The following ZNF468 variants were observed in gnomAD, a reference collection of about 807,000 sequenced individuals.
The protein encoded by ZNF468 is zinc finger protein 468, also known as zinc finger protein ZNF468.
Under a neutral mutation model 7.2 loss-of-function variants are expected in ZNF468, and 8 were observed. The ratio of observed to expected loss-of-function variants is 1.11; its 90% CI spans 0.65 to 2.01. The LOEUF is 2.01. ZNF468 is among the 30% of genes most tolerant of loss of function. The probability of loss-of-function intolerance (pLI) is 0.00; values close to 1 mark genes in which losing one functional copy is unlikely to be tolerated. For synonymous variants in ZNF468, 218 were observed against 214.4 expected (o/e 1.02, Z -0.15); for missense variants, 608 against 626.5 (o/e 0.97, Z 0.31).
At chr19:52,857,267 C>G (rs113121679) in intron 1 of ZNF468, among the ~76,000 whole-genome samples, 3 of 152,074 alleles carry the variant, frequency 2.0e-5, no homozygotes, top group Non-Finnish European at 4.4e-5. Context: ...GAATACACCT[C>G]TAGGGTGAGG....
intron 1 of ZNF468, among the ~76,000 whole-genome samples, chr19:52,856,995 G>A (rs35901334): frequency 0.19 from 28,463 of 151,866 alleles, 2,964 homozygotes; most frequent in South Asian, 0.29. Context: ...GGAGCTGGGC[G>A]GGCAAGAACA....
At chr19:52,850,861 T>A (rs563829648) in intron 2 of ZNF468, among the ~76,000 whole-genome samples, 1 of 151,694 alleles carries the variant, frequency 6.6e-6, no homozygotes, top group Admixed American at 6.6e-5. Flanking sequence ...ATCGCGCCAC[T>A]GCACTCCAGC....
At chr19:52,843,846 G>A (rs571444145) in intron 3 of ZNF468, among the ~76,000 whole-genome samples, 1 of 152,126 alleles carries the variant, frequency 6.6e-6, no homozygotes, top group South Asian at 2.1e-4. Flanking sequence ...TAGCGGCCGG[G>A]TGCAGTGGCA....
intron 2 of ZNF468, among the ~76,000 whole-genome samples, chr19:52,852,894 G>A (rs2063402174): frequency 6.7e-6 from 1 of 149,256 alleles, no homozygotes; most frequent in Non-Finnish European, 1.5e-5. Flanking sequence ...TTCCTCTGTT[G>A]CCCAGGCTGG....
At position 52,840,540 on chromosome 19, in the gene ZNF468, G is replaced by C; in HGVS notation, c.*185C>G. On this transcript the variant is annotated 3_prime_UTR_variant, in exon 4 of 4. Coordinates refer to ENST00000595646, the MANE Select transcript of ZNF468 (RefSeq NM_001008801.2). ...GTTTGATTTACAACTGAAAACTTTT[G>C]TCACATTCCTCCCATTTGTAAGGTT... The C allele has an allele frequency of 8.2e-7, 1 of 1,223,864 alleles. No homozygotes were observed. Among genetic ancestry groups the C allele is most frequent in the Admixed American group, 2.0e-5 (1 of 50,818 alleles). 75.8% of individuals were successfully genotyped at this position (1,223,864 alleles called of 1,614,324 possible).
rs748800318 is a variant in ZNF468 at position 52,841,810 on chromosome 19, T to C, written c.484A>G (p.Asn162Asp). ...HIFQSEGKIG[N>D]QVEKSINNAS... ...TTGTTGATAGACTTCTCAACTTGAT[T>C]ACCAATTTTCCCTTCAGACTGAAAT... is the stretch of plus-strand genomic sequence containing the variant. Residue 162 changes from asparagine to aspartate, a missense_variant, in exon 4 of 4, where the codon AAT (asparagine) becomes GAT (aspartate). Transcript: ENST00000595646. The C allele has an allele frequency of 8.1e-6, 13 of 1,614,094 alleles. No individual in the cohort carries two copies. Among genetic ancestry groups the C allele is most frequent in the Middle Eastern group, 1.6e-4 (1 of 6,062 alleles).
chr19:52,855,968 C>T (rs1386228213), intron 1 of ZNF468, among the ~76,000 whole-genome samples: 1 of 152,174 alleles, frequency 6.6e-6, no homozygotes, highest in Admixed American at 6.5e-5. Context: ...TACATGGGGG[C>T]CTGGAAGGGC....
chr19:52,840,750 C>T lies in ZNF468; in HGVS notation c.1544G>A (p.Arg515Lys). The change falls in exon 4 of 4, where the codon AGG (arginine) becomes AAG (lysine). Residue 515 changes from arginine to lysine, a missense_variant. Physicochemically the swap from Arg to Lys is conservative, Grantham distance 26. Transcript: ENST00000595646. Reference protein sequence around the residue: ...SQMSSLVYHHRLHSGEKP With the variant: ...SQMSSLVYHHKLHSGEKP The stretch of plus-strand genomic sequence containing the variant: ...TTAAGGCTTCTCTCCACTATGAAGC[C>T]TATGATGGTATACAAGGGATGACAT... 6.2e-7 allele frequency: 1 copy of T among 1,613,884 alleles called. No individual in the cohort carries two copies. Among genetic ancestry groups the T allele is most frequent in the South Asian group, 1.1e-5 (1 of 91,064 alleles).
rs1047387593 is a variant in ZNF468, at chr19:52,853,867, C to T, written c.15+391G>A. 5 of 1,242,170 alleles carry T rather than the reference C, an allele frequency of 4.0e-6. No homozygotes were observed. In the African/African-American group the frequency reaches 6.1e-5, roughly 15 times the overall value. The allele number at this position is 1,242,170 out of a possible 1,614,324, so 76.9% of individuals were successfully genotyped here. A position where few individuals can be genotyped will look rare whatever the true frequency, so the allele number is the denominator to read the frequency against. ...CCCTTATTGGTCTCCTTTTCTAGAACTTACCACGTACTTCGTGCATATTAA... is the reference window on the plus strand; with the variant it reads ...CCCTTATTGGTCTCCTTTTCTAGAATTTACCACGTACTTCGTGCATATTAA... On this transcript the variant is annotated intron_variant, in intron 2 of 3. Transcript: ENST00000595646.
Position 52,839,935 on chromosome 19 carries a change from T to G in ZNF468, c.*790A>C. On this transcript the variant is annotated 3_prime_UTR_variant, in exon 4 of 4. Coordinates refer to ENST00000595646, the MANE Select transcript of ZNF468 (RefSeq NM_001008801.2). The stretch of plus-strand genomic sequence containing the variant: ...GGTTGTAGCATTACTGAAAACTTTG[T>G]GACAATCATTACATTAGTCAAGTTT... 3 of 1,060,420 alleles carry G rather than the reference T, an allele frequency of 2.8e-6. No individual in the cohort carries two copies. The highest frequency in any genetic ancestry group is 4.0e-6 in the Non-Finnish European group (3 of 746,110). The allele number at this position is 1,060,420 out of a possible 1,614,324, so 65.7% of individuals were successfully genotyped here.
Position 52,841,114 on chromosome 19 carries a change from G to A in ZNF468, c.1180C>T (p.Arg394Cys), listed in dbSNP as rs199858855. Residue 394 changes from arginine to cysteine, a missense_variant, in exon 4 of 4, where the codon CGC becomes TGC. Physicochemically the swap from Arg to Cys is radical, Grantham distance 180. Coordinates refer to ENST00000595646, the MANE Select transcript of ZNF468 (RefSeq NM_001008801.2). ...CTATGTCTTTCAAGGTGTGATTTGC[G>A]ACTGAAAACTTTGTCACACTCTTCA... ...KCEECDKVFS[R>C]KSHLERHRRI... 127 of 1,613,650 alleles carry A rather than the reference G, an allele frequency of 7.9e-5. 1 individual carries two copies. The highest frequency in any genetic ancestry group is 1.0e-4 in the Non-Finnish European group (118 of 1,179,920).
Position 52,841,476 on chromosome 19 carries a change from C to T in ZNF468, c.818G>A (p.Cys273Tyr). Residue 273 changes from cysteine (C) to tyrosine (Y), a missense_variant, in exon 4 of 4, where the codon TGT becomes TAT. Coordinates refer to ENST00000595646, the MANE Select transcript of ZNF468 (RefSeq NM_001008801.2). ...RCHTGEKPYK[C>Y]NECGKTFGHN... is the part of the protein sequence containing the mutation. ...ACCAAAGGTCTTGCCACACTCATTA[C>T]ACTTGTAAGGTTTCTCACCAGTGTG... The T allele has an allele frequency of 6.2e-7, 1 of 1,614,098 alleles. No homozygotes were observed. Among genetic ancestry groups the T allele is most frequent in the Non-Finnish European group, 8.5e-7 (1 of 1,179,986 alleles).
At position 52,842,058 on chromosome 19, in the gene ZNF468, C is replaced by T; in HGVS notation, c.236G>A (p.Ser79Asn). 1 of 1,613,994 alleles carries T rather than the reference C, an allele frequency of 6.2e-7. No homozygotes were observed. ...IHTGTLHRQA[S>N]HHIGEFCFHE... ...GAAACAAAATTCTCCAATGTGATGA[C>T]TTGCTTGTCTGTGCAATGTCCCTGT... Residue 79 changes from serine (S) to asparagine (N), a missense_variant, in exon 4 of 4, where the codon AGT becomes AAT. Ser to Asn is a conservative substitution (Grantham distance 46, BLOSUM62 1). Coordinates refer to ENST00000595646, the MANE Select transcript of ZNF468 (RefSeq NM_001008801.2).
At position 52,856,969 on chromosome 19, in the gene ZNF468, G is replaced by A. The variant is rs1239308350; in HGVS notation, c.-74+603C>T. Among the ~76,000 whole-genome samples the A allele has an allele frequency of 9.5e-4, 143 of 150,974 alleles. 1 individual carries two copies. Among genetic ancestry groups the A allele is most frequent in the East Asian group, 8.3e-3 (41 of 4,958 alleles). ...TAAGACGCCTGCATCTCGGAGAAGCGCATTTTCCAAGTGCTGGAGCTGGGC... is the reference window on the plus strand; with the variant it reads ...TAAGACGCCTGCATCTCGGAGAAGCACATTTTCCAAGTGCTGGAGCTGGGC... On this transcript the variant is annotated intron_variant, in intron 1 of 3. Transcript: ENST00000595646.
Position 52,849,244 on chromosome 19 carries a change from T to C in ZNF468, c.16-31A>G, listed in dbSNP as rs768293144. The C allele has an allele frequency of 8.7e-6, 14 of 1,612,956 alleles. 1 individual carries two copies. In the East Asian group the frequency reaches 2.9e-4, roughly 33 times the overall value. On this transcript the variant is annotated intron_variant, in intron 2 of 3. Coordinates refer to ENST00000595646, the MANE Select transcript of ZNF468 (RefSeq NM_001008801.2). Reference sequence around the variant, plus strand: ...ATGAAAACACATTTTAACCAAATGGTTATGGGAGGAGATCTTATCTTTACA... The same window carrying C: ...ATGAAAACACATTTTAACCAAATGGCTATGGGAGGAGATCTTATCTTTACA...
chr19:52,848,305 A>T (rs1229089466), intron 3 of ZNF468, among the ~76,000 whole-genome samples: 1 of 152,166 alleles, frequency 6.6e-6, no homozygotes, highest in Non-Finnish European at 1.5e-5. Flanking sequence ...TGCTTATAAA[A>T]AGCAAGGACC....
intron 3 of ZNF468, among the ~76,000 whole-genome samples, chr19:52,847,116 C>T (rs901145384): frequency 6.6e-6 from 1 of 152,142 alleles, no homozygotes; most frequent in Non-Finnish European, 1.5e-5. Context: ...ACATAAGAAA[C>T]TCCATTTTGA....
At chr19:52,842,843 A>AAG (rs1568676245) in intron 3 of ZNF468, among the ~76,000 whole-genome samples, 1 of 107,464 alleles carries the variant, frequency 9.3e-6, no homozygotes, top group African/African-American at 3.8e-5. Context: ...AAAAAAAAAG[A>AAG]CATGGCATGG....
intron 2 of ZNF468, chr19:52,853,761 A>T: frequency 1.6e-6 from 1 of 637,388 alleles, no homozygotes; most frequent in Non-Finnish European, 2.1e-6. Flanking sequence ...CATTCTAATT[A>T]GTAAGATTTT....
Sources: gnomAD v4.1 joint callset for allele counts (sites outside exome capture counted in the v4.1 genomes callset) on GRCh38, gnomAD v4.1.1 for gene constraint, MANE v1.5 for transcripts, NCBI Gene and HGNC (gene_info 2026-07-23, HGNC 2026-07-21) for gene names.